DGKG: variants seen among roughly 807,000 people sequenced by gnomAD.
DGKG encodes the protein DAG kinase gamma.
A neutral mutation model predicts 105.3 loss-of-function variants in DGKG; 78 were observed. The observed-to-expected ratio is 0.74, with a 90% CI of 0.62 to 0.89. The LOEUF is 0.89. Among genes scored for constraint, DGKG ranks in the 40% least tolerant of loss-of-function variants. The probability of loss-of-function intolerance (pLI) is 0.00; values close to 1 mark genes in which losing one functional copy is unlikely to be tolerated. For missense variants in DGKG, 958 were observed against 1,020.1 expected, an observed-to-expected ratio of 0.94 and a Z score of 0.83; for synonymous variants, 346 against 367.1, an observed-to-expected ratio of 0.94 and a Z score of 0.66.
chr3:186,306,860 A>C (rs561574226), intron 3 of DGKG, 41 bp downstream of exon 3: 32 of 1,394,296 alleles, frequency 2.3e-5, no homozygotes, highest in Non-Finnish European at 3.1e-5. Flanking sequence ...AGGCTAAAAA[A>C]CACAGGGGTT....
At chr3:186,252,621 G>C (rs1299795908) in intron 18 of DGKG, among the ~76,000 whole-genome samples, 1 of 152,222 alleles carries the variant, frequency 6.6e-6, no homozygotes, top group Non-Finnish European at 1.5e-5. Context: ...AGGATGATCT[G>C]AATGCTTCTA....
At chr3:186,228,265 G>T (rs945049649) in intron 20 of DGKG, among the ~76,000 whole-genome samples, 2 of 152,090 alleles carry the variant, frequency 1.3e-5, no homozygotes, top group African/African-American at 4.8e-5. Context: ...AGCAGAGTTG[G>T]CTCCTTCTCC....
chr3:186,301,612 G>C (rs935325900), intron 3 of DGKG, among the ~76,000 whole-genome samples: 3 of 152,246 alleles, frequency 2.0e-5, no homozygotes, highest in Non-Finnish European at 2.9e-5. Flanking sequence ...GGGTGACAGA[G>C]CGAGACTCCG....
chr3:186,210,540 C>T lies in DGKG; in HGVS notation c.1917+1255G>A, dbSNP rs963956084. On this transcript the variant is annotated intron_variant, in intron 21 of 24. Transcript: ENST00000265022. The surrounding 1 kb of genome is among the most constrained non-coding windows in gnomAD (Gnocchi z 5.2). ...ACCCTGGCGTTGGTAACCCAGCAAC[C>T]GAAGAGGAGAGGCAGGCAGATGAGT... The T allele has an allele frequency of 4.0e-5, 18 of 449,648 alleles. No individual in the cohort carries two copies. Among genetic ancestry groups the T allele is most frequent in the Admixed American group, 1.7e-4 (7 of 41,976 alleles). The allele number at this position is 449,648 out of a possible 1,614,324, so 27.9% of individuals were successfully genotyped here. A position where few individuals can be genotyped will look rare whatever the true frequency, so the allele number is the denominator to read the frequency against.
intron 23 of DGKG, among the ~76,000 whole-genome samples, chr3:186,162,970 C>G (rs1309944706): frequency 1.3e-5 from 2 of 152,172 alleles, no homozygotes; most frequent in African/African-American, 2.4e-5. Flanking sequence ...GAAAGTGTTG[C>G]CTTCTTGCTT....
chr3:186,221,416 T>G (rs1171414485), intron 20 of DGKG, among the ~76,000 whole-genome samples: 2 of 152,218 alleles, frequency 1.3e-5, no homozygotes, highest in South Asian at 4.1e-4. Flanking sequence ...TTTGAAGAGT[T>G]ATTCGTGGAA....
chr3:186,343,613 A>G (rs1726190014), intron 1 of DGKG, among the ~76,000 whole-genome samples: 2 of 152,198 alleles, frequency 1.3e-5, no homozygotes, highest in South Asian at 4.1e-4. Flanking sequence ...AAAAAAGTGG[A>G]AGAAAATATA....
In DGKG at chr3:186,226,321, T is replaced by C. The variant is rs983885952; in HGVS notation, c.1827-14436A>G. Among the ~76,000 whole-genome samples the C allele has an allele frequency of 3.6e-4, 55 of 152,214 alleles. No individual in the cohort carries two copies. Among genetic ancestry groups the C allele is most frequent in the African/African-American group, 1.2e-3 (50 of 41,444 alleles). ...ACCATTTCATTTTTCTTTAGTGCAA[T>C]TTTTACCAGTTGTGGAGATGGGGCC... On this transcript the variant is annotated intron_variant, in intron 20 of 24. Coordinates refer to ENST00000265022, the MANE Select transcript of DGKG (RefSeq NM_001346.3). The surrounding 1 kb of genome is among the most constrained non-coding windows in gnomAD (Gnocchi z 4.2).
chr3:186,334,239 C>T (rs1451547001), intron 1 of DGKG, among the ~76,000 whole-genome samples: 3 of 152,148 alleles, frequency 2.0e-5, no homozygotes, highest in Non-Finnish European at 2.9e-5. Flanking sequence ...GGAAACTGAG[C>T]AATCATTCAA....
chr3:186,159,530 T>C (rs906564591), intron 24 of DGKG: 1 of 152,232 alleles, frequency 6.6e-6, no homozygotes, highest in Non-Finnish European at 1.5e-5. Flanking sequence ...TGCATAAACA[T>C]ATTTAGCAGG....
rs34134152 is a variant in DGKG at position 186,243,895 on chromosome 3, G to GTTTTTTTTTTTTTTTTTTTT, written c.1762-1328_1762-1327insAAAAAAAAAAAAAAAAAAAA. On this transcript the variant is annotated intron_variant, in intron 19 of 24. Transcript: ENST00000265022. ...CTATTTCTTATATGAAAATTTCTGT[G>GTTTTTTTTTTTTTTTTTTTT]TTTTTTTTTTTTTTTTTTGAGATGG... 1.4e-3 allele frequency among the ~76,000 whole-genome samples: 160 copies of GTTTTTTTTTTTTTTTTTTTT among 116,300 alleles called. 13 individuals are homozygous for GTTTTTTTTTTTTTTTTTTTT. The highest frequency in any genetic ancestry group is 5.6e-3 in the African/African-American group (155 of 27,542). 76.3% of individuals were successfully genotyped at this position (116,300 alleles called of 152,430 possible).
At chr3:186,268,099 C>G (rs1008238427) in intron 12 of DGKG, among the ~76,000 whole-genome samples, 1 of 152,194 alleles carries the variant, frequency 6.6e-6, no homozygotes, top group African/African-American at 2.4e-5. Context: ...GCTCTCCAGG[C>G]CCTGAGACTC....
intron 6 of DGKG, among the ~76,000 whole-genome samples, chr3:186,286,063 G>T (rs1022097647): frequency 4.6e-5 from 7 of 152,088 alleles, no homozygotes; most frequent in Non-Finnish European, 8.8e-5. Context: ...CAACCACTTG[G>T]GGCACGTACC....
chr3:186,303,984 G>C (rs191444047), intron 3 of DGKG, among the ~76,000 whole-genome samples: 2 of 152,226 alleles, frequency 1.3e-5, no homozygotes, highest in African/African-American at 4.8e-5. Context: ...CAGCTGCACT[G>C]TGTGAGAGAA....
intron 2 of DGKG, among the ~76,000 whole-genome samples, chr3:186,316,232 C>A (rs1396976748): frequency 6.6e-6 from 1 of 152,156 alleles, no homozygotes; most frequent in Non-Finnish European, 1.5e-5. Context: ...CATGGGAAAC[C>A]AAAATGGTGG....
chr3:186,288,642 A>T, intron 6 of DGKG, 68 bp downstream of exon 6: 1 of 1,534,474 alleles, frequency 6.5e-7, no homozygotes, highest in Non-Finnish European at 9.0e-7. Context: ...GTGTTTAGGA[A>T]TAATGGATAG....
intron 21 of DGKG, among the ~76,000 whole-genome samples, chr3:186,189,752 T>C (rs918165332): frequency 6.6e-6 from 1 of 152,210 alleles, no homozygotes; most frequent in Non-Finnish European, 1.5e-5. Context: ...AACTACAAGA[T>C]GGCATACAGT....
chr3:186,258,276 C>T (rs1289523069), intron 16 of DGKG, among the ~76,000 whole-genome samples: 4 of 152,186 alleles, frequency 2.6e-5, no homozygotes, highest in Non-Finnish European at 5.9e-5. Context: ...TCACTCCTCT[C>T]GGGCTCTCCT....
intron 3 of DGKG, among the ~76,000 whole-genome samples, chr3:186,301,826 C>T (rs982375206): frequency 8.5e-5 from 13 of 152,200 alleles, no homozygotes; most frequent in Non-Finnish European, 1.8e-4. Flanking sequence ...CTCTCCTAGA[C>T]CTTTGGTATT....
Sources: gnomAD v4.1 joint callset for allele counts (sites outside exome capture counted in the v4.1 genomes callset) on GRCh38, gnomAD v4.1.1 for gene constraint, Gnocchi (gnomAD v3.1) non-coding constraint, MANE v1.5 for transcripts, NCBI Gene and HGNC (gene_info 2026-07-23, HGNC 2026-07-21) for gene names.